Variants in DIP2C observed in about 807,000 individuals in gnomAD.
DIP2C encodes the protein disco-interacting protein 2 homolog C.
In DIP2C, 33 loss-of-function variants were observed where a neutral mutation model predicts 192.4. The ratio of observed to expected loss-of-function variants is 0.17; its 90% CI spans 0.13 to 0.23. The LOEUF (loss-of-function observed/expected upper bound fraction) is 0.23, where lower values mean the gene tolerates loss of function less well. Among genes scored for constraint, DIP2C ranks in the 10% least tolerant of loss-of-function variants. The pLI is 1.00. For missense variants in DIP2C, 1,537 were observed against 2,110.1 expected, an observed-to-expected ratio of 0.73 and a Z score of 5.32; for synonymous variants, 979 against 864.1, an observed-to-expected ratio of 1.13 and a Z score of -2.33.
At chr10:360,935 G>A (rs1428696401) in intron 22 of DIP2C, among the ~76,000 whole-genome samples, 1 of 151,956 alleles carries the variant, frequency 6.6e-6, no homozygotes, top group Non-Finnish European at 1.5e-5. Flanking sequence ...CACCTGTCAG[G>A]GTCATTTTAA....
At position 666,623 on chromosome 10, in the gene DIP2C, C is replaced by A. The variant is rs1486754872; in HGVS notation, c.85+22871G>T. 2 of 11,576 alleles carry A rather than the reference C, an allele frequency of 1.7e-4. No individual in the cohort carries two copies. Among genetic ancestry groups the A allele is most frequent in the African/African-American group, 2.1e-4 (2 of 9,374 alleles). 0.7% of individuals were successfully genotyped at this position (11,576 alleles called of 1,614,324 possible). ...GCCTGTCTGCCCGTGGCCTGTCTGC[C>A]CGTGGCCTGTCTGCCCGTGGCCTGT... On this transcript the variant is annotated intron_variant, in intron 1 of 36. Transcript: ENST00000280886. This position sits in a 1 kb window ranked among gnomAD's most constrained non-coding sequence, Gnocchi z 4.1.
intron 24 of DIP2C, among the ~76,000 whole-genome samples, chr10:352,706 C>T (rs1417929368): frequency 2.0e-5 from 3 of 152,154 alleles, no homozygotes; most frequent in Admixed American, 6.5e-5. Context: ...GAGGGACAGT[C>T]GCTCCTGGCT....
At chr10:646,535 G>A (rs947279900) in intron 1 of DIP2C, among the ~76,000 whole-genome samples, 1 of 152,232 alleles carries the variant, frequency 6.6e-6, no homozygotes, top group Non-Finnish European at 1.5e-5. Context: ...TCATGGAGCC[G>A]TCTTTAAGCA....
In DIP2C at chr10:391,405, A is replaced by G. The variant is rs111716386; in HGVS notation, c.1261-542T>C. The stretch of plus-strand genomic sequence containing the variant: ...CCTCACCCTGAGCAGCCCAGTCTCA[A>G]CGAACTAACTGAAGCTTGCTGAAAC... On this transcript the variant is annotated intron_variant, in intron 10 of 36. Transcript: ENST00000280886. 6.0e-3 allele frequency among the ~76,000 whole-genome samples: 912 copies of G among 152,350 alleles called. 3 individuals carry two copies. Among genetic ancestry groups the G allele is most frequent in the Middle Eastern group, 0.014 (4 of 294 alleles).
intron 1 of DIP2C, among the ~76,000 whole-genome samples, chr10:506,404 T>C (rs920573251): frequency 6.6e-6 from 1 of 152,032 alleles, no homozygotes; most frequent in South Asian, 2.1e-4. Context: ...GGAGAGGCAG[T>C]TGGGAAATCT....
chr10:362,577 G>T lies in DIP2C; in HGVS notation c.2707C>A (p.Leu903Met), dbSNP rs756974070. ...TTGCAGGGGTGCAGAGAGCCCTCCA[G>T]AAAAAGCTGTTTTGTTTCTGATAAA... Reference protein sequence around the residue: ...IHLSETKQLFLEGSLHPCNVL... With the variant: ...IHLSETKQLFMEGSLHPCNVL... Residue 903 changes from leucine to methionine, a missense_variant, in exon 22 of 37, where the codon CTG becomes ATG. Around this residue, in one of 4 missense-constraint regions of DIP2C, gnomAD observed 677 missense variants for 989.9 expected, o/e 0.68. Coordinates refer to ENST00000280886, the MANE Select transcript of DIP2C (RefSeq NM_014974.3). The T allele has an allele frequency of 5.6e-6, 9 of 1,614,170 alleles. No homozygotes were observed. The East Asian group carries it at 2.0e-4, about 36-fold the overall frequency.
chr10:286,179 G>T, intron 34 of DIP2C, 94 bp downstream of exon 34: 1 of 1,164,312 alleles, frequency 8.6e-7, no homozygotes, highest in Non-Finnish European at 1.3e-6. Flanking sequence ...GTGTGTGGCA[G>T]ATGGAGGGCA....
In DIP2C at chr10:404,831, C is replaced by T. The variant is rs556781777; in HGVS notation, c.1149+4095G>A. 9.4e-4 allele frequency among the ~76,000 whole-genome samples: 143 copies of T among 152,296 alleles called. 4 individuals carry two copies. The South Asian group carries it at 0.012, about 13-fold the overall frequency. On this transcript the variant is annotated intron_variant, in intron 9 of 36. Transcript: ENST00000280886. ...TTATTTGTACATCTATGCGGATAAG[C>T]CACAACCAATTATTTCTTCAAACTA...
At chr10:289,721 G>A (rs1022703260) in intron 32 of DIP2C, among the ~76,000 whole-genome samples, 1 of 152,162 alleles carries the variant, frequency 6.6e-6, no homozygotes, top group Non-Finnish European at 1.5e-5. Flanking sequence ...CGGGCCCTGA[G>A]GGACCAGTCC....
intron 1 of DIP2C, among the ~76,000 whole-genome samples, chr10:538,745 TTTC>T (rs1273334752): frequency 1.8e-4 from 27 of 152,358 alleles, no homozygotes; most frequent in African/African-American, 6.3e-4. Flanking sequence ...ATTGAAAACG[TTTC>T]TTTTTAACAA....
Position 580,316 on chromosome 10 carries a change from T to C in DIP2C, c.86-93786A>G, listed in dbSNP as rs977915473. On this transcript the variant is annotated intron_variant, in intron 1 of 36. Transcript: ENST00000280886. ...GCATGCGTACATTAGTGTGCACATA[T>C]CCACAAGTTTATTCAGTGTGCGTAG... is the stretch of plus-strand genomic sequence containing the variant. Among the ~76,000 whole-genome samples, 80 of 152,304 alleles carry C rather than the reference T, an allele frequency of 5.3e-4. 1 individual carries two copies. Among genetic ancestry groups the C allele is most frequent in the African/African-American group, 1.9e-3 (77 of 41,550 alleles).
intron 1 of DIP2C, among the ~76,000 whole-genome samples, chr10:552,289 G>A (rs1357579032): frequency 2.0e-5 from 3 of 152,238 alleles, no homozygotes; most frequent in Admixed American, 2.0e-4. Flanking sequence ...CAGCAGAGAT[G>A]TAGCTAAAAT....
intron 1 of DIP2C, among the ~76,000 whole-genome samples, chr10:550,394 C>T (rs1194134102): frequency 6.6e-6 from 1 of 152,196 alleles, no homozygotes. Flanking sequence ...CAATTACCCA[C>T]AGGTGGCCAC....
intron 4 of DIP2C, among the ~76,000 whole-genome samples, chr10:434,470 A>G (rs549989636): frequency 1.3e-5 from 2 of 152,262 alleles, no homozygotes; most frequent in African/African-American, 4.8e-5. Flanking sequence ...ACAGAGTCTC[A>G]CTACGTTGCC....
At chr10:530,784 C>A (rs1847320338) in intron 1 of DIP2C, among the ~76,000 whole-genome samples, 1 of 152,064 alleles carries the variant, frequency 6.6e-6, no homozygotes. Flanking sequence ...TACAATGAGG[C>A]CCAGAGAGAA....
At chr10:382,933 C>G (rs1962511614) in intron 16 of DIP2C, among the ~76,000 whole-genome samples, 172 bp from the exon 17 acceptor site, 1 of 152,188 alleles carries the variant, frequency 6.6e-6, no homozygotes, top group African/African-American at 2.4e-5. Context: ...TGGTTATTCT[C>G]AAACAGAACT....
chr10:333,252 C>T (rs996088257), intron 29 of DIP2C, among the ~76,000 whole-genome samples: 5 of 152,072 alleles, frequency 3.3e-5, no homozygotes, highest in African/African-American at 1.2e-4. Context: ...CTTTGCATAC[C>T]CTAAGTTTCA....
At chr10:400,616 A>C (rs1430658791) in intron 9 of DIP2C, among the ~76,000 whole-genome samples, 1 of 149,750 alleles carries the variant, frequency 6.7e-6, no homozygotes, top group Non-Finnish European at 1.5e-5. Context: ...GTTCATCAGC[A>C]CATGAATCCT....
intron 9 of DIP2C, among the ~76,000 whole-genome samples, chr10:406,803 GA>G (rs1304419129): frequency 1.3e-5 from 2 of 152,058 alleles, no homozygotes; most frequent in Non-Finnish European, 2.9e-5. Flanking sequence ...TGCTCCTGGG[GA>G]TAACATCACT....
Sources: allele counts gnomAD v4.1 joint callset (sites outside exome capture counted in the v4.1 genomes callset), GRCh38; gene constraint gnomAD v4.1.1; regional missense constraint gnomAD v4.1.1; non-coding constraint Gnocchi (gnomAD v3.1); transcripts MANE v1.5; gene names NCBI Gene and HGNC (gene_info 2026-07-23, HGNC 2026-07-21).